SLC44A5: variants seen among roughly 807,000 people sequenced by gnomAD.
SLC44A5 encodes the protein solute carrier family 44 member 5.
In SLC44A5, 57 loss-of-function variants were observed where a neutral mutation model predicts 101.8. The ratio of observed to expected loss-of-function variants is 0.56; its 90% CI spans 0.45 to 0.70. The LOEUF (loss-of-function observed/expected upper bound fraction) is 0.70, where lower values mean the gene tolerates loss of function less well. SLC44A5 is among the 30% of genes least tolerant of loss of function. The pLI, the probability that SLC44A5 is intolerant of heterozygous loss-of-function variation, is 0.00. For missense variants in SLC44A5, 737 were observed against 853.1 expected (o/e 0.86, Z 1.70); for synonymous variants, 281 against 290.9 (o/e 0.97, Z 0.35).
intron 3 of SLC44A5, among the ~76,000 whole-genome samples, chr1:75,361,580 C>CTTTA: frequency 6.6e-6 from 1 of 152,098 alleles, no homozygotes; most frequent in South Asian, 2.1e-4. Context: ...TTGTCAAACG[C>CTTTA]TTTTGTGCAT....
chr1:75,288,160 T>C (rs1653231619), intron 5 of SLC44A5, among the ~76,000 whole-genome samples: 1 of 152,230 alleles, frequency 6.6e-6, no homozygotes, highest in Non-Finnish European at 1.5e-5. Context: ...TTTTTTCAAA[T>C]TAAATATTCA....
chr1:75,308,936 A>C lies in SLC44A5; in HGVS notation c.102-8251T>G, dbSNP rs181395623. ...TGAGGAGATTACTATTTGTCACCTC[A>C]AATTTTAATAAGTAAATAAAAAATA... On this transcript the variant is annotated intron_variant, in intron 4 of 23. Coordinates refer to ENST00000370859, the MANE Select transcript of SLC44A5 (RefSeq NM_001130058.2). Among the ~76,000 whole-genome samples the C allele has an allele frequency of 2.2e-4, 34 of 152,316 alleles. No individual in the cohort carries two copies. In the East Asian group the frequency reaches 6.6e-3, roughly 29 times the overall value.
chr1:75,340,153 AT>A (rs1657764726), intron 3 of SLC44A5, among the ~76,000 whole-genome samples: 2 of 152,168 alleles, frequency 1.3e-5, no homozygotes, highest in Non-Finnish European at 2.9e-5. Flanking sequence ...TTATAAAAAC[AT>A]TTTTATTGCA....
intron 5 of SLC44A5, among the ~76,000 whole-genome samples, chr1:75,291,044 A>G (rs1188057775): frequency 1.3e-5 from 2 of 152,218 alleles, no homozygotes; most frequent in Non-Finnish European, 2.9e-5. Flanking sequence ...AAGAAAACAG[A>G]AAAACAACCA....
intron 1 of SLC44A5, among the ~76,000 whole-genome samples, chr1:75,601,629 C>T (rs1230412845): frequency 2.6e-5 from 4 of 152,122 alleles, no homozygotes; most frequent in Admixed American, 2.6e-4. Flanking sequence ...TCAGCAAAAG[C>T]ACTTCTGCAG....
intron 1 of SLC44A5, among the ~76,000 whole-genome samples, chr1:75,558,643 A>T (rs211698): frequency 0.95 from 144,695 of 152,180 alleles, 68,827 homozygotes; most frequent in East Asian, 0.98. Flanking sequence ...AACTACAGGA[A>T]ATGAACGATG....
intron 2 of SLC44A5, among the ~76,000 whole-genome samples, chr1:75,431,934 T>C (rs1457786062): frequency 1.3e-5 from 2 of 152,188 alleles, no homozygotes; most frequent in African/African-American, 4.8e-5. Context: ...GAGTATTATT[T>C]CACAGTGTCG....
At chr1:75,554,949 C>A (rs1672138055) in intron 1 of SLC44A5, among the ~76,000 whole-genome samples, 1 of 151,602 alleles carries the variant, frequency 6.6e-6, no homozygotes, top group Admixed American at 6.6e-5. Context: ...TAAAATGGAA[C>A]ACACACATAC....
intron 1 of SLC44A5, among the ~76,000 whole-genome samples, chr1:75,607,188 A>G (rs543244843): frequency 8.1e-4 from 123 of 152,186 alleles, no homozygotes; most frequent in African/African-American, 2.8e-3. Flanking sequence ...CCCTTCTACA[A>G]TCTTCAAATA....
chr1:75,355,264 A>G (rs1658983138), intron 3 of SLC44A5, among the ~76,000 whole-genome samples: 1 of 152,212 alleles, frequency 6.6e-6, no homozygotes, highest in Admixed American at 6.5e-5. Flanking sequence ...TAAAAATTAT[A>G]AACTGTATTT....
intron 1 of SLC44A5, among the ~76,000 whole-genome samples, chr1:75,602,773 T>C (rs1301181038): frequency 6.6e-6 from 1 of 152,172 alleles, no homozygotes; most frequent in Non-Finnish European, 1.5e-5. Flanking sequence ...AATACTAGTT[T>C]GTGAAGCATA....
chr1:75,657,649 CA>C, the SLC44A5 span, among the ~76,000 whole-genome samples: 4 of 151,694 alleles, frequency 2.6e-5, no homozygotes, highest in South Asian at 8.3e-4. Context: ...AAATAGATTT[CA>C]AGTCAAAAAC....
chr1:75,243,848 C>T (rs1247496162), intron 7 of SLC44A5, among the ~76,000 whole-genome samples: 1 of 151,980 alleles, frequency 6.6e-6, no homozygotes, highest in Admixed American at 6.6e-5. Context: ...AAGCATCTGT[C>T]CTGTTAATGG....
chr1:75,700,716 A>G, the SLC44A5 span, among the ~76,000 whole-genome samples: 21 of 152,060 alleles, frequency 1.4e-4, no homozygotes, highest in Non-Finnish European at 1.8e-4. Flanking sequence ...ATGAATCCAG[A>G]GGCTGGTTTT....
intron 2 of SLC44A5, among the ~76,000 whole-genome samples, chr1:75,450,805 C>T (rs1389069514): frequency 6.6e-6 from 1 of 152,322 alleles, no homozygotes; most frequent in East Asian, 1.9e-4. Context: ...ACCACTCTTC[C>T]TGTGCAAAGA....
At chr1:75,290,754 A>C (rs891136712) in intron 5 of SLC44A5, among the ~76,000 whole-genome samples, 1 of 152,214 alleles carries the variant, frequency 6.6e-6, no homozygotes, top group Non-Finnish European at 1.5e-5. Flanking sequence ...TTGGAGGGGA[A>C]AATGAAAAAC....
chr1:75,575,181 A>T lies in SLC44A5; in HGVS notation c.-69-33665T>A, dbSNP rs557533649. ...CAAGTTTCTTAACTCTGTCACACAT[A>T]CTTTCGATGCAGCCTAATATTAAAT... is the stretch of plus-strand genomic sequence containing the variant. On this transcript the variant is annotated intron_variant, in intron 1 of 23. Coordinates refer to ENST00000370859, the MANE Select transcript of SLC44A5 (RefSeq NM_001130058.2). Among the ~76,000 whole-genome samples, 45 of 152,328 alleles carry T rather than the reference A, an allele frequency of 3.0e-4. 1 individual carries two copies. In the East Asian group the frequency reaches 8.7e-3, roughly 29 times the overall value.
At chr1:75,331,999 A>C (rs1657095231) in intron 4 of SLC44A5, among the ~76,000 whole-genome samples, 1 of 152,010 alleles carries the variant, frequency 6.6e-6, no homozygotes, top group South Asian at 2.1e-4. Context: ...ACTTATGTTC[A>C]TTTCTCAGAT....
chr1:75,692,561 A>G, the SLC44A5 span, among the ~76,000 whole-genome samples: 44,659 of 151,956 alleles, frequency 0.29, 6,767 homozygotes, highest in Non-Finnish European at 0.33. Flanking sequence ...GGTTTATTTC[A>G]TGTAATAGGA....
Sources: gnomAD v4.1 joint callset for allele counts (sites outside exome capture counted in the v4.1 genomes callset) on GRCh38, gnomAD v4.1.1 for gene constraint, MANE v1.5 for transcripts, NCBI Gene and HGNC (gene_info 2026-07-23, HGNC 2026-07-21) for gene names.